The following HECTD4 variants were observed in gnomAD, a reference collection of about 807,000 sequenced individuals.
HECTD4 encodes HECT domain E3 ubiquitin protein ligase 4, also known as probable E3 ubiquitin-protein ligase HECTD4.
In HECTD4, 114 loss-of-function variants were observed where a neutral mutation model predicts 471.5. That is an observed-to-expected ratio of 0.24 (90% CI 0.21 to 0.28). The LOEUF is 0.28. Among genes scored for constraint, HECTD4 ranks in the 10% least tolerant of loss-of-function variants. The pLI, the probability that HECTD4 is intolerant of heterozygous loss-of-function variation, is 1.00. For synonymous variants in HECTD4, 2,012 were observed against 2,256.0 expected (o/e 0.89, Z 3.07); for missense variants, 3,866 against 5,651.5 (o/e 0.68, Z 10.13).
At chr12:112,266,826 G>C (rs1474744792) in intron 14 of HECTD4, 86 bp downstream of exon 14, 1 of 737,872 alleles carries the variant, frequency 1.4e-6, no homozygotes, top group Non-Finnish European at 2.4e-6. Context: ...ACATGAAGAA[G>C]TGTAAATATT....
At chr12:112,195,131 G>T in intron 55 of HECTD4, 65 bp from the exon 56 acceptor site, 1 of 1,418,680 alleles carries the variant, frequency 7.0e-7, no homozygotes, top group Non-Finnish European at 9.6e-7. Flanking sequence ...ACCGGGACCA[G>T]GCCGCAGGTT....
rs147347531 is a variant in HECTD4 at position 112,317,066 on chromosome 12, A to G, written c.695+2159T>C. 2.0e-5 allele frequency among the ~76,000 whole-genome samples: 3 copies of G among 152,354 alleles called. No homozygotes were observed. The East Asian group carries it at 5.8e-4, about 29-fold the overall frequency. ...AACTAAAGAGTTGATAATTATTCCT[A>G]ACATCCTAAATCTGTCTAAAGATAG... is the stretch of plus-strand genomic sequence containing the variant. On this transcript the variant is annotated intron_variant, in intron 2 of 75. Transcript: ENST00000682272.
chr12:112,264,710 G>A (rs1164506114), intron 16 of HECTD4, among the ~76,000 whole-genome samples: 1 of 152,142 alleles, frequency 6.6e-6, no homozygotes, highest in African/African-American at 2.4e-5. Flanking sequence ...TTTTCAAGTG[G>A]ATTTGTCTAG....
In HECTD4 at chr12:112,163,756, C is replaced by CA; in HGVS notation, c.12702-20dup. ...CTCCCACCTGCCCGGGTGAGGAGCA[C>CA]AGGTGAGGGAGAACACCGCCGAAGA... On this transcript the variant is annotated intron_variant, in intron 73 of 75. Coordinates refer to ENST00000682272, the MANE Select transcript of HECTD4 (RefSeq NM_001388303.1). This position sits in a 1 kb window ranked among gnomAD's most constrained non-coding sequence, Gnocchi z 8.2. 1.4e-6 allele frequency: 2 copies of CA among 1,440,466 alleles called. No individual in the cohort carries two copies. Among genetic ancestry groups the CA allele is most frequent in the Non-Finnish European group, 1.8e-6 (2 of 1,092,342 alleles). The allele number at this position is 1,440,466 out of a possible 1,614,324, so 89.2% of individuals were successfully genotyped here. A position where few individuals can be genotyped will look rare whatever the true frequency, so the allele number is the denominator to read the frequency against.
At chr12:112,164,415 G>T in intron 72 of HECTD4, 140 bp from the exon 73 acceptor site, 1 of 871,274 alleles carries the variant, frequency 1.1e-6, no homozygotes, top group Non-Finnish European at 1.7e-6. Context: ...CACAGCTTTC[G>T]CCAATCAGAA....
At chr12:112,174,261 G>A (rs569677601) in intron 66 of HECTD4, among the ~76,000 whole-genome samples, 4 of 149,804 alleles carry the variant, frequency 2.7e-5, no homozygotes, top group South Asian at 2.1e-4. Flanking sequence ...GAGCCACCTC[G>A]TCTGACTTTT....
chr12:112,200,429 C>T (rs911169117), intron 55 of HECTD4, among the ~76,000 whole-genome samples: 49 of 152,198 alleles, frequency 3.2e-4, no homozygotes, highest in Non-Finnish European at 1.3e-4. Context: ...GCTGGGATTA[C>T]AGGCGTGAGC....
At chr12:112,210,477 T>C (rs1041819199) in intron 49 of HECTD4, among the ~76,000 whole-genome samples, 3 of 152,190 alleles carry the variant, frequency 2.0e-5, no homozygotes, top group African/African-American at 7.2e-5. Flanking sequence ...TCATGTACTT[T>C]GCTGCTCAAA....
At chr12:112,261,960 T>TA (rs1238468887) in intron 17 of HECTD4, 1 of 152,230 alleles carries the variant, frequency 6.6e-6, no homozygotes, top group African/African-American at 2.4e-5. Context: ...AACAGGCAGT[T>TA]AAAAAAATTC....
At chr12:112,241,626 A>T (rs1477196612) in intron 32 of HECTD4, among the ~76,000 whole-genome samples, 1 of 151,990 alleles carries the variant, frequency 6.6e-6, no homozygotes, top group Non-Finnish European at 1.5e-5. Flanking sequence ...CACTACGGCT[A>T]ATTTTTTCCT....
At chr12:112,233,668 T>C (rs1428108035) in intron 37 of HECTD4, among the ~76,000 whole-genome samples, 1 of 151,992 alleles carries the variant, frequency 6.6e-6, no homozygotes, top group African/African-American at 2.4e-5. Flanking sequence ...CAGATGAAAA[T>C]AATGCACAAA....
Position 112,313,073 on chromosome 12 carries a change from T to C in HECTD4, c.860A>G (p.Tyr287Cys). Residue 287 changes from tyrosine (Y) to cysteine (C), a missense_variant, in exon 4 of 76, where the codon TAT (tyrosine) becomes TGT (cysteine). Physicochemically the swap from Tyr to Cys is radical, Grantham distance 194 (BLOSUM62 -2). Transcript: ENST00000682272. ...ATCCGGCGCAGGCAACATGTCTTCA[T>C]AACCCCATGATACTATGTGTTTGCC... The part of the protein sequence containing the change: ...LGGKHIVSWG[Y>C]EDMLPAPDSN... 6.5e-7 allele frequency: 1 copy of C among 1,535,910 alleles called. No homozygotes were observed. The highest frequency in any genetic ancestry group is 8.7e-7 in the Non-Finnish European group (1 of 1,146,792).
intron 1 of HECTD4, among the ~76,000 whole-genome samples, chr12:112,346,606 T>C (rs1324149768): frequency 5.9e-5 from 9 of 152,190 alleles, no homozygotes; most frequent in African/African-American, 2.2e-4. Context: ...TAGTTGAAGC[T>C]ACTCTTGGCT....
At chr12:112,217,558 T>G (rs751391977) in intron 45 of HECTD4, among the ~76,000 whole-genome samples, 1 of 152,224 alleles carries the variant, frequency 6.6e-6, no homozygotes, top group Non-Finnish European at 1.5e-5. Flanking sequence ...CTTGCTATAT[T>G]GCCCAGGCTG....
At chr12:112,269,883 T>G in intron 12 of HECTD4, 34 bp from the exon 13 acceptor site, 1 of 1,583,642 alleles carries the variant, frequency 6.3e-7, no homozygotes, top group Non-Finnish European at 8.7e-7. Flanking sequence ...CTAAAAATGC[T>G]AATTCTACTG....
At chr12:112,362,625 T>C (rs2036471465) in intron 1 of HECTD4, among the ~76,000 whole-genome samples, 3 of 152,114 alleles carry the variant, frequency 2.0e-5, no homozygotes. Context: ...TGCTGGGAAG[T>C]TGGTGGTGGT....
chr12:112,203,517 G>C, intron 54 of HECTD4, 119 bp downstream of exon 54: 1 of 832,948 alleles, frequency 1.2e-6, no homozygotes, highest in East Asian at 3.1e-5. Context: ...TTGTGTCTTC[G>C]TCCCTGATTT....
Position 112,163,566 on chromosome 12 carries a change from G to A in HECTD4, c.12873C>T (p.Pro4291=), listed in dbSNP as rs2030791468. ...LEMELRTCGL[P]YINLEFLKAH... ...CCTTGAGGAACTCGAGGTTGATGTA[G>A]GGGAGGCCGCAGGTGCGCAGCTCCA... is the stretch of plus-strand genomic sequence containing the variant. The change falls in exon 74 of 76, where the codon CCC becomes CCT. Residue 4291 remains proline (P), a synonymous_variant. Coordinates refer to ENST00000682272, the MANE Select transcript of HECTD4 (RefSeq NM_001388303.1). The surrounding 1 kb of genome is among the most constrained non-coding windows in gnomAD (Gnocchi z 8.2). The A allele has an allele frequency of 5.4e-6, 8 of 1,491,820 alleles. No individual in the cohort carries two copies. The highest frequency in any genetic ancestry group is 7.1e-6 in the Non-Finnish European group (8 of 1,120,200). The allele number at this position is 1,491,820 out of a possible 1,614,324, so 92.4% of individuals were successfully genotyped here. A position where few individuals can be genotyped will look rare whatever the true frequency, so the allele number is the denominator to read the frequency against.
chr12:112,225,292 G>T (rs1444600107), intron 44 of HECTD4, among the ~76,000 whole-genome samples: 1 of 145,612 alleles, frequency 6.9e-6, no homozygotes, highest in Admixed American at 6.9e-5. Context: ...AAAATAAACG[G>T]CATGAGAAAA....
Sources: allele counts gnomAD v4.1 joint callset (sites outside exome capture counted in the v4.1 genomes callset), GRCh38; gene constraint gnomAD v4.1.1; non-coding constraint Gnocchi (gnomAD v3.1); transcripts MANE v1.5; gene names NCBI Gene and HGNC (gene_info 2026-07-23, HGNC 2026-07-21).